PRKCSH: variants seen among roughly 807,000 people sequenced by gnomAD.
PRKCSH encodes glucosidase 2 subunit beta.
PRKCSH carries 42 observed loss-of-function variants against 79.7 expected under a neutral mutation model. The ratio of observed to expected loss-of-function variants is 0.53; its 90% CI spans 0.41 to 0.68. The LOEUF is 0.68. Ranked by LOEUF, PRKCSH falls within the 30% of genes least tolerant of loss-of-function variation. PRKCSH has a pLI of 0.00. For missense variants in PRKCSH, 686 were observed against 709.0 expected (o/e 0.97, Z 0.37); for synonymous variants, 325 against 288.2 (o/e 1.13, Z -1.29).
Position 11,436,384 on chromosome 19 carries a change from C to A in PRKCSH, c.80-5C>A. 2.5e-6 allele frequency: 4 copies of A among 1,613,684 alleles called. No individual in the cohort carries two copies. The highest frequency in any genetic ancestry group is 3.4e-6 in the Non-Finnish European group (4 of 1,179,574). On this transcript the variant is annotated splice_region_variant and splice_polypyrimidine_tract_variant and intron_variant, in intron 2 of 17. Transcript: ENST00000677123. ...GCCCTGGGCTGAGCTTCCTGTACCCCGCAGATCATCACTTCTACGATGAGT... is the reference window on the plus strand; with the variant it reads ...GCCCTGGGCTGAGCTTCCTGTACCCAGCAGATCATCACTTCTACGATGAGT...
chr19:11,447,446 C>T lies in PRKCSH; in HGVS notation c.857C>T (p.Pro286Leu). The change falls in exon 11 of 18, where the codon CCC (proline) becomes CTC (leucine). Residue 286 changes from proline to leucine, a missense_variant. This residue lies in a region of PRKCSH where 549 missense variants were observed against 520.2 expected (regional missense o/e 1.06). Transcript: ENST00000677123. The surrounding 1 kb of genome is among the most constrained non-coding windows in gnomAD (Gnocchi z 5.6). ...IRDKYRSEAL[P>L]TDLPAPSAPD... ...GCACTGCTCACCCGCCAGGCACTGC[C>T]CACCGACCTTCCAGCACCTTCTGCC... 6.2e-7 allele frequency: 1 copy of T among 1,613,914 alleles called. No homozygotes were observed. The highest frequency in any genetic ancestry group is 8.5e-7 in the Non-Finnish European group (1 of 1,180,012).
Position 11,442,465 on chromosome 19 carries a change from C to G in PRKCSH, c.548C>G (p.Ala183Gly). 1.9e-6 allele frequency: 3 copies of G among 1,612,268 alleles called. No homozygotes were observed. The highest frequency in any genetic ancestry group is 2.5e-6 in the Non-Finnish European group (3 of 1,179,430). The change falls in exon 7 of 18, where the codon GCT (alanine) becomes GGT (glycine). Residue 183 changes from alanine to glycine, a missense_variant. By Grantham distance (60) the Ala-to-Gly change is moderately conservative. Transcript: ENST00000677123. ...ATGCTGCGGACAGTGAAGGAGGAAG[C>G]TGAGAAGCCAGAGAGAGAGGCCAAA... is the stretch of plus-strand genomic sequence containing the variant. ...VEMLRTVKEE[A>G]EKPEREAKEQ...
chr19:11,448,823 G>A lies in PRKCSH; in HGVS notation c.1287-91G>A. 6.6e-7 allele frequency: 1 copy of A among 1,504,046 alleles called. No individual in the cohort carries two copies. Among genetic ancestry groups the A allele is most frequent in the Non-Finnish European group, 9.3e-7 (1 of 1,081,056 alleles). The allele number at this position is 1,504,046 out of a possible 1,614,324, so 93.2% of individuals were successfully genotyped here. ...GTCATTGGAGTTGGAGGTACCCTGT[G>A]TGTGGGGACTGGAGGAGGCGGTGGG... On this transcript the variant is annotated intron_variant, in intron 14 of 17. Coordinates refer to ENST00000677123, the MANE Select transcript of PRKCSH (RefSeq NM_001289104.2). This position sits in a 1 kb window ranked among gnomAD's most constrained non-coding sequence, Gnocchi z 4.4.
At chr19:11,446,936 A>T in intron 9 of PRKCSH, 138 bp from the exon 10 acceptor site, 1 of 860,992 alleles carries the variant, frequency 1.2e-6, no homozygotes, top group Non-Finnish European at 2.0e-6. Context: ...GCAGTGCCTC[A>T]CTGGCGTGGC....
At position 11,446,273 on chromosome 19, in the gene PRKCSH, G is replaced by T. The variant is rs1423831684; in HGVS notation, c.685G>T (p.Val229Phe). 3 of 1,613,488 alleles carry T rather than the reference G, an allele frequency of 1.9e-6. No individual in the cohort carries two copies. Among genetic ancestry groups the T allele is most frequent in the African/African-American group, 1.3e-5 (1 of 74,900 alleles). ...TCTGCTTCTGCCACGCCCCCGCAGG[G>T]TCTCGGTGACTGAGCTGCAGACTCA... The part of the protein sequence containing the change: ...KELDDDMDGT[V>F]SVTELQTHPE... The change falls in exon 9 of 18, where the codon GTC (valine) becomes TTC (phenylalanine). Residue 229 changes from valine to phenylalanine, a missense_variant and splice_region_variant. Physicochemically the swap from Val to Phe is conservative, Grantham distance 50. Transcript: ENST00000677123.
chr19:11,450,549 C>G (rs1970568986), intron 17 of PRKCSH, 97 bp from the exon 18 acceptor site: 1 of 152,068 alleles, frequency 6.6e-6, no homozygotes, highest in African/African-American at 2.4e-5. Flanking sequence ...CTCAAATGAT[C>G]CTCCCACCTC....
At chr19:11,437,072 G>A (rs971183262) in intron 3 of PRKCSH, among the ~76,000 whole-genome samples, 1 of 151,788 alleles carries the variant, frequency 6.6e-6, no homozygotes. Context: ...GTCTTGCTCT[G>A]TTTCCCAGGC....
intron 3 of PRKCSH, among the ~76,000 whole-genome samples, 181 bp from the exon 4 acceptor site, chr19:11,437,695 C>T (rs1374048774): frequency 3.3e-5 from 5 of 152,316 alleles, no homozygotes; most frequent in South Asian, 2.1e-4. Context: ...AGGCAGGAGG[C>T]GGCACTGGAG....
chr19:11,442,598 T>C lies in PRKCSH; in HGVS notation c.598+83T>C. The C allele has an allele frequency of 9.0e-6, 14 of 1,555,674 alleles. No homozygotes were observed. In the South Asian group the frequency reaches 1.1e-4, roughly 12 times the overall value. The stretch of plus-strand genomic sequence containing the variant: ...CTAGGAGTCTCCCGCTCATTATCTG[T>C]TGTCAGTTTCAGCAGGTTTTTGATC... On this transcript the variant is annotated intron_variant, in intron 7 of 17. Transcript: ENST00000677123.
rs1213693934 is a variant in PRKCSH at position 11,436,493 on chromosome 19, T to C, written c.184T>C (p.Ser62Pro). Residue 62 changes from serine to proline, a missense_variant, in exon 3 of 18, where the codon TCT becomes CCT. Physicochemically the swap from Ser to Pro is moderately conservative, Grantham distance 74. Around this residue, in one of 2 missense-constraint regions of PRKCSH, gnomAD observed 549 missense variants for 520.2 expected, o/e 1.06. Transcript: ENST00000677123. ...NDDYCDCKDG[S>P]DEPGTAACPN... ...TGACTATTGCGACTGCAAAGATGGCTCTGACGAGCCAGGTGAGCCTTTTCT... is the reference window on the plus strand; with the variant it reads ...TGACTATTGCGACTGCAAAGATGGCCCTGACGAGCCAGGTGAGCCTTTTCT... 2 of 1,613,018 alleles carry C rather than the reference T, an allele frequency of 1.2e-6. No homozygotes were observed. Among genetic ancestry groups the C allele is most frequent in the African/African-American group, 1.3e-5 (1 of 74,906 alleles).
chr19:11,439,580 C>A (rs898787450), intron 5 of PRKCSH, among the ~76,000 whole-genome samples: 1 of 149,736 alleles, frequency 6.7e-6, no homozygotes, highest in Admixed American at 6.6e-5. Flanking sequence ...CACAGTGAGA[C>A]CCGTCTCAGA....
chr19:11,448,069 C>A lies in PRKCSH; in HGVS notation c.1127-153C>A. On this transcript the variant is annotated intron_variant, in intron 12 of 17. Coordinates refer to ENST00000677123, the MANE Select transcript of PRKCSH (RefSeq NM_001289104.2). The surrounding 1 kb of genome is among the most constrained non-coding windows in gnomAD (Gnocchi z 4.4). ...GCCTGGGCAGCAAGTCGGGGCTGCT[C>A]TATAGCTGGTGAGGCCCTCAAGGCT... The A allele has an allele frequency of 1.1e-6, 1 of 882,908 alleles. No individual in the cohort carries two copies. The highest frequency in any genetic ancestry group is 1.8e-6 in the Non-Finnish European group (1 of 548,878). 54.7% of individuals were successfully genotyped at this position (882,908 alleles called of 1,614,324 possible).
At chr19:11,444,097 C>T (rs771195195) in intron 7 of PRKCSH, among the ~76,000 whole-genome samples, 1 of 152,186 alleles carries the variant, frequency 6.6e-6, no homozygotes, top group Non-Finnish European at 1.5e-5. Flanking sequence ...GATATTATTT[C>T]CCTTCTTCAT....
Position 11,436,039 on chromosome 19 carries a change from A to G in PRKCSH, c.-77-2A>G, listed in dbSNP as rs201157643. ...TGACCGGGATCCGCTTTCTTCCTGC[A>G]GCGTGAAGACACAGCGCATCTCCCC... is the stretch of plus-strand genomic sequence containing the variant. On this transcript the variant is annotated splice_acceptor_variant, in intron 1 of 17. Coordinates refer to ENST00000677123, the MANE Select transcript of PRKCSH (RefSeq NM_001289104.2). LOFTEE classifies it low-confidence loss of function (5UTR_SPLICE). The G allele has an allele frequency of 1.3e-6, 2 of 1,568,190 alleles. No individual in the cohort carries two copies. The highest frequency in any genetic ancestry group is 1.1e-5 in the South Asian group (1 of 90,388).
chr19:11,439,542 C>T (rs1219820219), intron 5 of PRKCSH, among the ~76,000 whole-genome samples: 2 of 151,290 alleles, frequency 1.3e-5, no homozygotes, highest in East Asian at 1.9e-4. Context: ...ATCACCTTAA[C>T]CCAGGAGTTT....
chr19:11,447,332 C>T lies in PRKCSH; in HGVS notation c.850-107C>T, dbSNP rs1970356460. ...AGCTGTCGGTCCTCCCTGCAGGCCCCGCAGGAGGGGCAGAGACACCGAGGC... is the reference window on the plus strand; with the variant it reads ...AGCTGTCGGTCCTCCCTGCAGGCCCTGCAGGAGGGGCAGAGACACCGAGGC... On this transcript the variant is annotated intron_variant, in intron 10 of 17. Transcript: ENST00000677123. This position sits in a 1 kb window ranked among gnomAD's most constrained non-coding sequence, Gnocchi z 5.6. 13 of 1,391,872 alleles carry T rather than the reference C, an allele frequency of 9.3e-6. No individual in the cohort carries two copies. The highest frequency in any genetic ancestry group is 2.4e-5 in the East Asian group (1 of 41,052). 86.2% of individuals were successfully genotyped at this position (1,391,872 alleles called of 1,614,324 possible).
chr19:11,436,061 C>G lies in PRKCSH; in HGVS notation c.-57C>G. 1 of 1,589,280 alleles carries G rather than the reference C, an allele frequency of 6.3e-7. No homozygotes were observed. Among genetic ancestry groups the G allele is most frequent in the Non-Finnish European group, 8.6e-7 (1 of 1,168,224 alleles). On this transcript the variant is annotated 5_prime_UTR_variant, in exon 2 of 18. Coordinates refer to ENST00000677123, the MANE Select transcript of PRKCSH (RefSeq NM_001289104.2). Reference sequence around the variant, plus strand: ...TGCAGCGTGAAGACACAGCGCATCTCCCCGCTGTAGGCTTCCTCCCACAGA... The same window carrying G: ...TGCAGCGTGAAGACACAGCGCATCTGCCCGCTGTAGGCTTCCTCCCACAGA...
At chr19:11,440,051 C>CA (rs535457312) in intron 5 of PRKCSH, among the ~76,000 whole-genome samples, 38 of 150,046 alleles carry the variant, frequency 2.5e-4, no homozygotes, top group African/African-American at 3.7e-4. Context: ...AAAAAAAAAA[C>CA]AAAAAAAACA....
Position 11,448,504 on chromosome 19 carries a change from C to T in PRKCSH, c.1197-36C>T. 6.3e-7 allele frequency: 1 copy of T among 1,589,702 alleles called. No individual in the cohort carries two copies. The highest frequency in any genetic ancestry group is 8.6e-7 in the Non-Finnish European group (1 of 1,157,712). The stretch of plus-strand genomic sequence containing the variant: ...CGTCCTGGGTCAGGCACTGGCGTCC[C>T]CAGCTGCCCCTTAACCGCTCCGCCT... On this transcript the variant is annotated intron_variant, in intron 13 of 17. Transcript: ENST00000677123. This position sits in a 1 kb window ranked among gnomAD's most constrained non-coding sequence, Gnocchi z 4.4.
Sources: gnomAD v4.1 joint callset for allele counts (sites outside exome capture counted in the v4.1 genomes callset) on GRCh38, gnomAD v4.1.1 for gene constraint, gnomAD v4.1.1 regional missense constraint, Gnocchi (gnomAD v3.1) non-coding constraint, MANE v1.5 for transcripts, NCBI Gene and HGNC (gene_info 2026-07-23, HGNC 2026-07-21) for gene names.